Variants in FGF13 observed in about 807,000 individuals in gnomAD.
The protein encoded by FGF13 is fibroblast growth factor homologous factor 2.
A neutral mutation model predicts 19.5 loss-of-function variants in FGF13; 2 were observed. That is an observed-to-expected ratio of 0.10 (90% CI 0.04 to 0.32). The LOEUF (loss-of-function observed/expected upper bound fraction) is 0.32. Ranked by LOEUF, FGF13 falls within the 10% of genes least tolerant of loss-of-function variation. The pLI is 1.00. For missense variants in FGF13, 113 were observed against 192.7 expected (o/e 0.59, Z 2.45); for synonymous variants, 72 against 76.9 (o/e 0.94, Z 0.33).
intron 1 of FGF13, among the ~76,000 whole-genome samples, chrX:138,882,505 A>G (rs1444152589): frequency 1.3e-4 from 14 of 111,848 alleles, no homozygotes; most frequent in Admixed American, 7.6e-4. Context: ...TCTATCATCC[A>G]TCCTCAAAGG....
intron 1 of FGF13, among the ~76,000 whole-genome samples, chrX:138,896,483 G>T (rs959420553): frequency 2.7e-5 from 3 of 111,141 alleles, no homozygotes; most frequent in African/African-American, 9.8e-5. Flanking sequence ...GCACATGGCC[G>T]CCAAATTAAT....
At chrX:138,916,994 T>C (rs1329624614) in intron 1 of FGF13, among the ~76,000 whole-genome samples, 2 of 111,756 alleles carry the variant, frequency 1.8e-5, no homozygotes, top group Non-Finnish European at 3.8e-5. Flanking sequence ...AACAGCAAGA[T>C]AGTAGAAGAC....
intron 3 of FGF13, among the ~76,000 whole-genome samples, chrX:138,693,096 AATAGGTACAAGCAACCAGACT>A (rs1388300021): frequency 1.8e-5 from 2 of 111,910 alleles, no homozygotes; most frequent in Non-Finnish European, 3.8e-5. Flanking sequence ...ATAAAGAGAA[AATAGGTACAAGCAACCAGACT>A]TATGCAATTT....
intron 1 of FGF13, among the ~76,000 whole-genome samples, chrX:138,907,033 C>A (rs998548239): frequency 8.9e-6 from 1 of 111,838 alleles, no homozygotes; most frequent in Non-Finnish European, 1.9e-5. Flanking sequence ...AACAAAGAGG[C>A]TGCCTGGCTC....
chrX:139,138,600 C>G (rs1359779903), intron 1 of FGF13, among the ~76,000 whole-genome samples: 2 of 111,264 alleles, frequency 1.8e-5, no homozygotes, highest in African/African-American at 6.5e-5. Context: ...ACACCCATAT[C>G]TTACAGACAC....
chrX:138,674,409 C>T (rs186303033), intron 3 of FGF13, among the ~76,000 whole-genome samples: 3 of 111,510 alleles, frequency 2.7e-5, no homozygotes, highest in Non-Finnish European at 5.6e-5. Flanking sequence ...GCTGAATTAG[C>T]ACAGATGTGG....
At chrX:139,198,130 G>A (rs746291816) in intron 1 of FGF13, among the ~76,000 whole-genome samples, 1 of 111,018 alleles carries the variant, frequency 9.0e-6, no homozygotes, top group South Asian at 3.9e-4. Context: ...TGATTTTACG[G>A]ATGTAAATAT....
intron 3 of FGF13, among the ~76,000 whole-genome samples, chrX:138,746,684 G>A (rs2090359163): frequency 8.9e-6 from 1 of 112,157 alleles, no homozygotes; most frequent in Non-Finnish European, 1.9e-5. Flanking sequence ...CATTGGGCTT[G>A]TCTCCTCAGA....
intron 3 of FGF13, among the ~76,000 whole-genome samples, chrX:138,848,423 C>G (rs967237417): frequency 2.7e-5 from 3 of 110,989 alleles, no homozygotes; most frequent in Non-Finnish European, 3.8e-5. Flanking sequence ...ACCCTGTTAG[C>G]ACATTAGAAT....
At chrX:138,756,541 G>T (rs748026212) in intron 3 of FGF13, among the ~76,000 whole-genome samples, 14 of 112,752 alleles carry the variant, frequency 1.2e-4, no homozygotes, top group East Asian at 2.8e-4. Flanking sequence ...GCCAGGGAAG[G>T]CTAAGCAACG....
intron 1 of FGF13, among the ~76,000 whole-genome samples, chrX:139,150,720 G>T (rs1169017710): frequency 8.9e-6 from 1 of 111,768 alleles, no homozygotes; most frequent in Non-Finnish European, 1.9e-5. Context: ...GCCAATGCCT[G>T]CACAGAGCTG....
At chrX:138,874,121 C>T (rs1410591799) in intron 1 of FGF13, among the ~76,000 whole-genome samples, 2 of 102,389 alleles carry the variant, frequency 2.0e-5, no homozygotes, top group African/African-American at 3.6e-5. Context: ...ACCTGCACGT[C>T]GTGCACACAT....
In FGF13 at chrX:139,017,352, T is replaced by TATATATATAC. The variant is rs1556336371; in HGVS notation, c.-112-152703_-112-152702insGTATATATAT. On this transcript the variant is annotated intron_variant, in intron 1 of 2. Transcript: ENST00000421460. ...ATATACATGTATGTATATATATATA[T>TATATATATAC]ACACACACACACACACAAATGTATA... 6.6e-3 allele frequency among the ~76,000 whole-genome samples: 713 copies of TATATATATAC among 107,394 alleles called. 7 individuals carry two copies. The highest frequency in any genetic ancestry group is 0.022 in the African/African-American group (658 of 29,370). The allele number at this position is 107,394 out of a possible 115,157, so 93.3% of individuals were successfully genotyped here.
chrX:138,897,804 C>T (rs2091511802), intron 1 of FGF13, among the ~76,000 whole-genome samples: 1 of 111,439 alleles, frequency 9.0e-6, no homozygotes, highest in Non-Finnish European at 1.9e-5. Flanking sequence ...GGCAATTTGT[C>T]ATAAGAATGC....
Position 138,626,690 on chromosome X carries a change from TG to T in FGF13, c.*6159del, listed in dbSNP as rs887021778. 1.8e-5 allele frequency: 2 copies of T among 111,274 alleles called. No individual in the cohort carries two copies. The highest frequency in any genetic ancestry group is 6.5e-5 in the African/African-American group (2 of 30,568). The allele number at this position is 111,274 out of a possible 1,213,427, so 9.2% of individuals were successfully genotyped here. ...CTTCCCTAAGAACAGCAACATGACT[TG>T]TTTATTTAGTGTCCTGCTACACACA... On this transcript the variant is annotated 3_prime_UTR_variant, in exon 5 of 5. Transcript: ENST00000315930.
intron 3 of FGF13, among the ~76,000 whole-genome samples, chrX:138,807,432 TC>T (rs1242564927): frequency 9.0e-6 from 1 of 110,622 alleles, no homozygotes; most frequent in Non-Finnish European, 1.9e-5. Flanking sequence ...CTACAAGAGC[TC>T]CTGAAGGAAG....
chrX:138,785,318 T>A (rs1041748504), intron 3 of FGF13, among the ~76,000 whole-genome samples: 2 of 111,697 alleles, frequency 1.8e-5, no homozygotes, highest in Non-Finnish European at 3.8e-5. Flanking sequence ...ATACCCTATT[T>A]ATCAAATATC....
chrX:139,071,305 C>A (rs2092375992), intron 1 of FGF13, among the ~76,000 whole-genome samples: 1 of 111,402 alleles, frequency 9.0e-6, no homozygotes, highest in Non-Finnish European at 1.9e-5. Flanking sequence ...TTCGTTTATG[C>A]CTTCTATTGG....
intron 1 of FGF13, among the ~76,000 whole-genome samples, chrX:138,983,413 C>CA (rs1326563410): frequency 9.1e-3 from 113 of 12,381 alleles, no homozygotes; most frequent in Middle Eastern, 0.034. Flanking sequence ...ATAAGTTGAT[C>CA]TTATATATAT....
Sources: allele counts gnomAD v4.1 joint callset (sites outside exome capture counted in the v4.1 genomes callset), GRCh38; gene constraint gnomAD v4.1.1; transcripts MANE v1.5; gene names NCBI Gene and HGNC (gene_info 2026-07-23, HGNC 2026-07-21).